Variants in ERG observed in about 807,000 individuals in gnomAD.
ERG encodes ETS transcription factor ERG.
ERG carries 9 observed loss-of-function variants against 55.3 expected under a neutral mutation model. That is an observed-to-expected ratio of 0.16 (90% CI 0.10 to 0.28). The LOEUF (loss-of-function observed/expected upper bound fraction) is 0.28. Among genes scored for constraint, ERG ranks in the 10% least tolerant of loss-of-function variants. The pLI is 1.00. For missense variants in ERG, 434 were observed against 631.6 expected (o/e 0.69, Z 3.35); for synonymous variants, 223 against 237.3 (o/e 0.94, Z 0.55).
intron 1 of ERG, among the ~76,000 whole-genome samples, chr21:38,637,079 C>G (rs922501657): frequency 1.3e-5 from 2 of 152,160 alleles, no homozygotes; most frequent in Non-Finnish European, 2.9e-5. Flanking sequence ...TGGTGATAAT[C>G]TAGTCTAGAT....
At chr21:38,484,792 C>T (rs1201838064) in intron 1 of ERG, among the ~76,000 whole-genome samples, 1 of 152,194 alleles carries the variant, frequency 6.6e-6, no homozygotes, top group African/African-American at 2.4e-5. Flanking sequence ...TAGTGACATA[C>T]AGCTGTAGTA....
At chr21:38,442,589 G>C (rs556274285) in intron 2 of ERG, among the ~76,000 whole-genome samples, 2 of 152,204 alleles carry the variant, frequency 1.3e-5, no homozygotes, top group East Asian at 3.9e-4. Flanking sequence ...GAAGCTCCTG[G>C]TGTCTTTCTT....
chr21:38,377,535 G>A (rs1987276143), downstream of ERG, among the ~76,000 whole-genome samples: 1 of 152,192 alleles, frequency 6.6e-6, no homozygotes, highest in Non-Finnish European at 1.5e-5. Flanking sequence ...TATTCTTGCC[G>A]AGTAGAAAAA....
intron 1 of ERG, among the ~76,000 whole-genome samples, chr21:38,618,294 T>G (rs2060270680): frequency 6.6e-6 from 1 of 152,054 alleles, no homozygotes; most frequent in South Asian, 2.1e-4. Context: ...AACGAACAGG[T>G]GCATTCAGGA....
chr21:38,440,915 C>G (rs1288782642), intron 2 of ERG, among the ~76,000 whole-genome samples: 1 of 152,028 alleles, frequency 6.6e-6, no homozygotes, highest in Non-Finnish European at 1.5e-5. Flanking sequence ...CTTAGCTCCA[C>G]TGATAACTGT....
At chr21:38,626,988 C>A (rs1219396499) in intron 1 of ERG, among the ~76,000 whole-genome samples, 4 of 151,836 alleles carry the variant, frequency 2.6e-5, no homozygotes, top group Non-Finnish European at 4.4e-5. Flanking sequence ...TAATTGATAG[C>A]AAAGTGCTAA....
chr21:38,612,444 T>C (rs2060233351), intron 1 of ERG, among the ~76,000 whole-genome samples: 1 of 152,180 alleles, frequency 6.6e-6, no homozygotes, highest in South Asian at 2.1e-4. Flanking sequence ...ATGCCATGTT[T>C]ATGTTTTGAA....
intron 1 of ERG, among the ~76,000 whole-genome samples, chr21:38,464,552 T>C (rs1294590781): frequency 1.3e-5 from 2 of 152,336 alleles, no homozygotes; most frequent in Non-Finnish European, 2.9e-5. Flanking sequence ...CTACAGGATA[T>C]GTTCATTTTT....
intron 1 of ERG, among the ~76,000 whole-genome samples, chr21:38,493,329 T>A (rs572818650): frequency 6.6e-6 from 1 of 152,170 alleles, no homozygotes; most frequent in Non-Finnish European, 1.5e-5. Flanking sequence ...CAAAAAATGT[T>A]AGTAACATGG....
intron 1 of ERG, among the ~76,000 whole-genome samples, chr21:38,601,342 G>C (rs1365976747): frequency 1.3e-5 from 2 of 152,052 alleles, no homozygotes; most frequent in East Asian, 3.9e-4. Context: ...AGAAAAGGCA[G>C]ATCTCTTTGG....
At chr21:38,593,785 C>G (rs977459491) in intron 1 of ERG, among the ~76,000 whole-genome samples, 3 of 152,080 alleles carry the variant, frequency 2.0e-5, no homozygotes, top group Non-Finnish European at 4.4e-5. Context: ...AATGGCAAGT[C>G]ATATTAAAGA....
At chr21:38,476,678 T>C (rs1468299084) in intron 1 of ERG, among the ~76,000 whole-genome samples, 1 of 152,178 alleles carries the variant, frequency 6.6e-6, no homozygotes, top group Non-Finnish European at 1.5e-5. Context: ...CCAACCGTTA[T>C]AAACATTAAA....
upstream of ERG, chr21:38,498,574 A>T: frequency 2.6e-6 from 3 of 1,171,440 alleles, no homozygotes; most frequent in Non-Finnish European, 3.3e-6. The surrounding 1 kb of genome is among the most constrained non-coding windows in gnomAD (Gnocchi z 4.6). Context: ...GATATTTGGG[A>T]GTGGAGAGAT....
intron 1 of ERG, among the ~76,000 whole-genome samples, chr21:38,617,818 A>C (rs1334108250): frequency 2.0e-5 from 3 of 152,094 alleles, no homozygotes; most frequent in Non-Finnish European, 2.9e-5. Context: ...TTGTTTCCCA[A>C]AGGGTTTGTT....
At position 38,382,506 on chromosome 21, in the gene ERG, A is replaced by G. The variant is rs1360291148; in HGVS notation, c.*897T>C. 2.0e-5 allele frequency: 21 copies of G among 1,064,968 alleles called. No homozygotes were observed. Among genetic ancestry groups the G allele is most frequent in the Non-Finnish European group, 2.4e-5 (21 of 878,864 alleles). The allele number at this position is 1,064,968 out of a possible 1,614,324, so 66.0% of individuals were successfully genotyped here. A position where few individuals can be genotyped will look rare whatever the true frequency, so the allele number is the denominator to read the frequency against. On this transcript the variant is annotated 3_prime_UTR_variant, in exon 10 of 10. Transcript: ENST00000288319. ...CGCATTTTTGTTTCTGAATTCTACT[A>G]CTTCCCCTTTCTCCATTACGCTGTG...
intron 2 of ERG, among the ~76,000 whole-genome samples, chr21:38,426,769 TAA>T (rs112234791): frequency 6.8e-6 from 1 of 147,930 alleles, no homozygotes. Context: ...TGTCTCTACT[TAA>T]AAAAAAAAAT....
chr21:38,466,300 G>GGGTTGTGT (rs1555903683), intron 1 of ERG, among the ~76,000 whole-genome samples: 1 of 140,604 alleles, frequency 7.1e-6, no homozygotes, highest in African/African-American at 2.7e-5. Flanking sequence ...GATGGTCTGG[G>GGGTTGTGT]GTGTGTGTGT....
At chr21:38,458,698 G>T (rs1033190672) in intron 1 of ERG, among the ~76,000 whole-genome samples, 1 of 152,138 alleles carries the variant, frequency 6.6e-6, no homozygotes, top group Middle Eastern at 3.2e-3. Flanking sequence ...AGCAAGAGTC[G>T]TGTGTTGGTC....
chr21:38,617,009 T>G (rs2060263075), intron 1 of ERG, among the ~76,000 whole-genome samples: 1 of 152,200 alleles, frequency 6.6e-6, no homozygotes, highest in Admixed American at 6.5e-5. Context: ...ATATGACATC[T>G]TCTAAAATTA....
Sources: gnomAD v4.1 joint callset for allele counts (sites outside exome capture counted in the v4.1 genomes callset) on GRCh38, gnomAD v4.1.1 for gene constraint, Gnocchi (gnomAD v3.1) non-coding constraint, MANE v1.5 for transcripts, NCBI Gene and HGNC (gene_info 2026-07-23, HGNC 2026-07-21) for gene names.